The following ENPP1 variants were observed in gnomAD, a reference collection of about 807,000 sequenced individuals.
ENPP1 encodes ectonucleotide pyrophosphatase/phosphodiesterase family member 1.
Under a neutral mutation model 122.8 loss-of-function variants are expected in ENPP1, and 73 were observed. That is an observed-to-expected ratio of 0.59 (90% confidence interval 0.49 to 0.72). The LOEUF is 0.72. ENPP1 is among the 30% of genes least tolerant of loss of function. The pLI is 0.00. For missense variants in ENPP1, 978 were observed against 1,128.1 expected, an observed-to-expected ratio of 0.87 and a Z score of 1.91; for synonymous variants, 367 against 391.6, an observed-to-expected ratio of 0.94 and a Z score of 0.74.
rs773105383 is a variant in ENPP1, at chr6:131,880,034, T to C, written c.2100T>C (p.Asn700=). 2 of 1,613,548 alleles carry C rather than the reference T, an allele frequency of 1.2e-6. No individual in the cohort carries two copies. Among genetic ancestry groups the C allele is most frequent in the African/African-American group, 2.7e-5 (2 of 74,912 alleles). ...GGACATCCTATACCGTGGACAGAAA[T>C]GCAAGTATTTGTCACCTCTTTATGT... is the stretch of plus-strand genomic sequence containing the variant. ...PLWTSYTVDR[N]DSFSTEDFSN... is the part of the protein sequence containing the mutation. The change falls in exon 20 of 25, where the codon AAT becomes AAC. Residue 700 remains asparagine (N), a splice_region_variant and synonymous_variant. Transcript: ENST00000647893.
At chr6:131,815,255 G>A (rs763717445) in intron 1 of ENPP1, among the ~76,000 whole-genome samples, 1 of 152,292 alleles carries the variant, frequency 6.6e-6, no homozygotes, top group Middle Eastern at 3.4e-3. Flanking sequence ...CACTCCAAGT[G>A]TGGCAGTCGG....
intron 12 of ENPP1, among the ~76,000 whole-genome samples, chr6:131,868,596 C>T (rs913355830): frequency 6.6e-6 from 1 of 152,164 alleles, no homozygotes; most frequent in Non-Finnish European, 1.5e-5. Flanking sequence ...TGTGCCACCA[C>T]ACCTGGCTAA....
chr6:131,833,013 A>G (rs1377849530), intron 1 of ENPP1, among the ~76,000 whole-genome samples: 3 of 152,258 alleles, frequency 2.0e-5, no homozygotes, highest in African/African-American at 7.2e-5. Flanking sequence ...AATTCCAAAC[A>G]CTGCTACAAT....
At position 131,879,981 on chromosome 6, in the gene ENPP1, T is replaced by C. The variant is rs779192546; in HGVS notation, c.2047T>C (p.Tyr683His). The C allele has an allele frequency of 7.4e-6, 12 of 1,614,030 alleles. No homozygotes were observed. Among genetic ancestry groups the C allele is most frequent in the Middle Eastern group, 1.6e-4 (1 of 6,084 alleles). The change falls in exon 20 of 25, where the codon TAC becomes CAC. Residue 683 changes from tyrosine (Y) to histidine (H), a missense_variant. Physicochemically the swap from Tyr to His is moderately conservative, Grantham distance 83. Coordinates refer to ENST00000647893, the MANE Select transcript of ENPP1 (RefSeq NM_006208.3). ...LLSQHQFMSG[Y>H]SQDILMPLWT... ...TTCCCAGCACCAGTTTATGAGTGGATACAGCCAAGACATCTTAATGCCCCT... is the reference window on the plus strand; with the variant it reads ...TTCCCAGCACCAGTTTATGAGTGGACACAGCCAAGACATCTTAATGCCCCT...
At position 131,808,147 on chromosome 6, in the gene ENPP1, GAGGCGCCCGGGGACCCGC is replaced by G; in HGVS notation, c.118_135del (p.Pro40_Ala45del). On this transcript the variant is annotated inframe_deletion, in exon 1 of 25. Coordinates refer to ENST00000647893, the MANE Select transcript of ENPP1 (RefSeq NM_006208.3). ...CGATCGGGGCCGCAGCCACGCTGCC[GAGGCGCCCGGGGACCCGC>G]AGGCGGCCGCGTCCTTGCTGGCCCC... 6.9e-7 allele frequency: 1 copy of G among 1,438,926 alleles called. No individual in the cohort carries two copies. Among genetic ancestry groups the G allele is most frequent in the African/African-American group, 1.5e-5 (1 of 67,494 alleles). 89.1% of individuals were successfully genotyped at this position (1,438,926 alleles called of 1,614,324 possible). A position where few individuals can be genotyped will look rare whatever the true frequency, so the allele number is the denominator to read the frequency against.
intron 9 of ENPP1, among the ~76,000 whole-genome samples, chr6:131,862,405 T>C (rs1385059285): frequency 6.6e-6 from 1 of 152,070 alleles, no homozygotes; most frequent in Non-Finnish European, 1.5e-5. Flanking sequence ...CTAGACAGAT[T>C]GGGTTTATCA....
At chr6:131,814,056 G>T (rs926456255) in intron 1 of ENPP1, among the ~76,000 whole-genome samples, 13 of 152,172 alleles carry the variant, frequency 8.5e-5, no homozygotes, top group African/African-American at 3.1e-4. Context: ...AACTTTTCAT[G>T]ATTCCATTTA....
intron 3 of ENPP1, among the ~76,000 whole-genome samples, 187 bp from the exon 4 acceptor site, chr6:131,850,955 G>C (rs565934111): frequency 6.6e-6 from 1 of 152,234 alleles, no homozygotes; most frequent in Non-Finnish European, 1.5e-5. Flanking sequence ...ATAATAATTG[G>C]TTCCTACATA....
intron 1 of ENPP1, among the ~76,000 whole-genome samples, chr6:131,843,104 A>G (rs1325623199): frequency 1.3e-5 from 2 of 152,178 alleles, no homozygotes; most frequent in African/African-American, 4.8e-5. Flanking sequence ...ATTAAAATGG[A>G]TGGTAGATTA....
At chr6:131,867,928 T>TC in intron 11 of ENPP1, 90 bp from the exon 12 acceptor site, 1 of 171,210 alleles carries the variant, frequency 5.8e-6, no homozygotes. Context: ...TGTTTCTTTC[T>TC]TTTTTTTTTT....
At chr6:131,878,693 C>A in intron 19 of ENPP1, 100 bp downstream of exon 19, 1 of 889,478 alleles carries the variant, frequency 1.1e-6, no homozygotes. Flanking sequence ...TTGAGAATAA[C>A]CAATAAAATA....
rs78472543 is a variant in ENPP1, at chr6:131,829,203, A to G, written c.241-18573A>G. 5.3e-4 allele frequency among the ~76,000 whole-genome samples: 81 copies of G among 152,366 alleles called. 1 individual carries two copies. The East Asian group carries it at 0.014, about 26-fold the overall frequency. On this transcript the variant is annotated intron_variant, in intron 1 of 24. Transcript: ENST00000647893. ...AGGGCAGAAAGAGCTGTTCTGCACC[A>G]TTAATAAAACTGCTTTCCTCCCTTT...
chr6:131,845,463 T>TC (rs1169764574), intron 1 of ENPP1, among the ~76,000 whole-genome samples: 3 of 148,648 alleles, frequency 2.0e-5, no homozygotes, highest in African/African-American at 2.5e-5. Flanking sequence ...TTTTTTTTTT[T>TC]TTTTTAATTT....
chr6:131,821,591 A>G (rs556335918), intron 1 of ENPP1, among the ~76,000 whole-genome samples: 7 of 152,310 alleles, frequency 4.6e-5, no homozygotes, highest in Middle Eastern at 3.4e-3. Flanking sequence ...TGTGTTGCTT[A>G]TAATTTAATT....
chr6:131,864,766 G>A (rs1013217845), intron 10 of ENPP1, 100 bp from the exon 11 acceptor site: 3 of 872,570 alleles, frequency 3.4e-6, no homozygotes, highest in African/African-American at 3.3e-5. Flanking sequence ...TGTTACACCA[G>A]TGTTATAAAA....
chr6:131,888,441 T>G (rs1039314035), intron 24 of ENPP1, among the ~76,000 whole-genome samples: 1 of 152,152 alleles, frequency 6.6e-6, no homozygotes, highest in African/African-American at 2.4e-5. Context: ...TCCTTTGATA[T>G]TTATAATCAG....
At position 131,891,747 on chromosome 6, in the gene ENPP1, G is replaced by GC. The variant is rs1562188849; in HGVS notation, c.*1237dup. ...AAATTATTTAATAATTTAGGAAGTT[G>GC]CTTTTTTTTTTTTTTTTTTTCAGTC... On this transcript the variant is annotated 3_prime_UTR_variant, in exon 25 of 25. Coordinates refer to ENST00000647893, the MANE Select transcript of ENPP1 (RefSeq NM_006208.3). 1.0e-5 allele frequency: 1 copy of GC among 96,576 alleles called. No homozygotes were observed. Among genetic ancestry groups the GC allele is most frequent in the Non-Finnish European group, 1.9e-5 (1 of 51,726 alleles). 6.0% of individuals were successfully genotyped at this position (96,576 alleles called of 1,614,324 possible). A position where few individuals can be genotyped will look rare whatever the true frequency, so the allele number is the denominator to read the frequency against.
intron 14 of ENPP1, among the ~76,000 whole-genome samples, 158 bp from the exon 15 acceptor site, chr6:131,872,765 A>T (rs558992110): frequency 6.6e-6 from 1 of 152,244 alleles, no homozygotes; most frequent in East Asian, 1.9e-4. Flanking sequence ...GTGAAAAAAA[A>T]TTTCATATGA....
intron 1 of ENPP1, among the ~76,000 whole-genome samples, chr6:131,823,009 C>A (rs1046805279): frequency 6.6e-6 from 1 of 152,116 alleles, no homozygotes; most frequent in Non-Finnish European, 1.5e-5. Context: ...TTTTATTTCC[C>A]ACACGCGGGA....
Sources: gnomAD v4.1 joint callset for allele counts (sites outside exome capture counted in the v4.1 genomes callset) on GRCh38, gnomAD v4.1.1 for gene constraint, MANE v1.5 for transcripts, NCBI Gene and HGNC (gene_info 2026-07-23, HGNC 2026-07-21) for gene names.